PEMT: variants seen among roughly 807,000 people sequenced by gnomAD.
PEMT encodes phospholipid methyltransferase.
A neutral mutation model predicts 27.4 loss-of-function variants in PEMT; 23 were observed. The observed-to-expected ratio is 0.84, with a 90% CI of 0.60 to 1.19. The LOEUF is 1.19. Among genes scored for constraint, PEMT ranks in the 50% most tolerant of loss-of-function variants. The pLI, the probability that PEMT is intolerant of heterozygous loss-of-function variation, is 0.00. For missense variants in PEMT, 307 were observed against 310.1 expected (o/e 0.99, Z 0.07); for synonymous variants, 137 against 139.1 (o/e 0.98, Z 0.11).
chr17:17,516,272 A>G (rs1367952768), intron 3 of PEMT, among the ~76,000 whole-genome samples: 1 of 152,080 alleles, frequency 6.6e-6, no homozygotes, highest in African/African-American at 2.4e-5. Flanking sequence ...TTTCCAAGAC[A>G]TATTAAAATA....
intron 2 of PEMT, among the ~76,000 whole-genome samples, chr17:17,541,719 C>T (rs1474484055): frequency 6.6e-6 from 1 of 152,250 alleles, no homozygotes; most frequent in African/African-American, 2.4e-5. Flanking sequence ...GATGAAGCAA[C>T]CTGCCCAAGA....
chr17:17,588,397 CCCATATTA>C (rs1912432338), intron 1 of PEMT, among the ~76,000 whole-genome samples: 3 of 152,266 alleles, frequency 2.0e-5, no homozygotes, highest in African/African-American at 7.2e-5. Context: ...TACTCGGGTG[CCCATATTA>C]CACACAGGGA....
intron 2 of PEMT, among the ~76,000 whole-genome samples, chr17:17,571,418 G>C (rs1218001052): frequency 6.6e-6 from 1 of 152,130 alleles, no homozygotes; most frequent in South Asian, 2.1e-4. Flanking sequence ...ACAAGGAAGA[G>C]CAGGAGGAGG....
At chr17:17,535,712 C>T (rs899387629) in intron 2 of PEMT, among the ~76,000 whole-genome samples, 3 of 152,000 alleles carry the variant, frequency 2.0e-5, no homozygotes, top group African/African-American at 4.8e-5. Flanking sequence ...GGGGAAGAGG[C>T]GGAGAGGGGG....
In PEMT at chr17:17,506,484, G is replaced by C. The variant is rs78713583; in HGVS notation, c.579-183C>G. ...AGTCTGGCTTTTGTGCCAGGACCAG[G>C]GTCCCCATGTTCTCGGTCCTGATCC... is the stretch of plus-strand genomic sequence containing the variant. On this transcript the variant is annotated intron_variant, in intron 5 of 6. Coordinates refer to ENST00000255389, the MANE Select transcript of PEMT (RefSeq NM_148172.3). Among the ~76,000 whole-genome samples the C allele has an allele frequency of 5.2e-4, 79 of 152,328 alleles. No individual in the cohort carries two copies. In the East Asian group the frequency reaches 0.013, roughly 25 times the overall value.
intron 2 of PEMT, among the ~76,000 whole-genome samples, chr17:17,564,831 G>C (rs543725529): frequency 6.6e-6 from 1 of 152,302 alleles, no homozygotes; most frequent in South Asian, 2.1e-4. Context: ...ACTCAGCCTG[G>C]TAGGGGTGCC....
rs374998488 is a variant in PEMT, at chr17:17,576,967, C to T, written c.157G>A (p.Val53Met). The stretch of plus-strand genomic sequence containing the variant: ...AAGGTGATGGTGATGACGGCAGCCA[C>T]AAAGCTGGGATCCAGGGGGTCCACG... The part of the protein sequence containing the change: ...GYVDPLDPSF[V>M]AAVITITFNP... Residue 53 changes from valine to methionine, a missense_variant, in exon 2 of 7, where the codon GTG becomes ATG. Coordinates refer to ENST00000255389, the MANE Select transcript of PEMT (RefSeq NM_148172.3). The T allele has an allele frequency of 9.9e-6, 16 of 1,613,976 alleles. No homozygotes were observed. In the African/African-American group the frequency reaches 1.9e-4, roughly 19 times the overall value.
At chr17:17,545,822 C>T (rs1393988063) in intron 2 of PEMT, among the ~76,000 whole-genome samples, 2 of 152,224 alleles carry the variant, frequency 1.3e-5, no homozygotes, top group Non-Finnish European at 2.9e-5. Flanking sequence ...GCAGGATGTA[C>T]TGGAATCTAA....
At chr17:17,514,266 C>A (rs1906628541) in intron 3 of PEMT, among the ~76,000 whole-genome samples, 1 of 152,262 alleles carries the variant, frequency 6.6e-6, no homozygotes, top group Non-Finnish European at 1.5e-5. Flanking sequence ...GAACTCCTTC[C>A]TCCAGCTTGA....
At chr17:17,540,923 G>C in intron 2 of PEMT, among the ~76,000 whole-genome samples, 1 of 152,198 alleles carries the variant, frequency 6.6e-6, no homozygotes, top group East Asian at 1.9e-4. Flanking sequence ...TGGGCAGGGA[G>C]TGTCTCCACT....
chr17:17,582,491 G>T lies in PEMT; in HGVS notation c.97-5464C>A. ...TGACACATGGACAAACAGCAGGCCTGGACAGGCAAAGTCACATCGATTCCA... is the reference window on the plus strand; with the variant it reads ...TGACACATGGACAAACAGCAGGCCTTGACAGGCAAAGTCACATCGATTCCA... On this transcript the variant is annotated intron_variant, in intron 1 of 6. Coordinates refer to ENST00000255389, the MANE Select transcript of PEMT (RefSeq NM_148172.3). The surrounding 1 kb of genome is among the most constrained non-coding windows in gnomAD (Gnocchi z 4.9). 1 of 928,846 alleles carries T rather than the reference G, an allele frequency of 1.1e-6. No individual in the cohort carries two copies. Among genetic ancestry groups the T allele is most frequent in the South Asian group, 4.9e-5 (1 of 20,218 alleles). The allele number at this position is 928,846 out of a possible 1,614,324, so 57.5% of individuals were successfully genotyped here. A position where few individuals can be genotyped will look rare whatever the true frequency, so the allele number is the denominator to read the frequency against.
chr17:17,580,331 G>T (rs1008225597), intron 1 of PEMT, among the ~76,000 whole-genome samples: 1 of 152,090 alleles, frequency 6.6e-6, no homozygotes, highest in African/African-American at 2.4e-5. Flanking sequence ...ACAAAAATTA[G>T]CCAGGCATGG....
chr17:17,523,324 A>C lies in PEMT; in HGVS notation c.205-929T>G, dbSNP rs1368306843. On this transcript the variant is annotated intron_variant, in intron 2 of 6. Transcript: ENST00000255389. This position sits in a 1 kb window ranked among gnomAD's most constrained non-coding sequence, Gnocchi z 4.8. Reference sequence around the variant, plus strand: ...TACCTCCACCCCAGCCCCAGCGATGACTGCTGCCTGCTCCACTTCCCAAGT... The same window carrying C: ...TACCTCCACCCCAGCCCCAGCGATGCCTGCTGCCTGCTCCACTTCCCAAGT... Among the ~76,000 whole-genome samples, 1 of 152,128 alleles carries C rather than the reference A, an allele frequency of 6.6e-6. No homozygotes were observed. The highest frequency in any genetic ancestry group is 1.5e-5 in the Non-Finnish European group (1 of 68,022).
chr17:17,506,270 C>T lies in PEMT; in HGVS notation c.610G>A (p.Val204Met). 2 of 1,586,190 alleles carry T rather than the reference C, an allele frequency of 1.3e-6. No individual in the cohort carries two copies. Among genetic ancestry groups the T allele is most frequent in the South Asian group, 1.1e-5 (1 of 87,028 alleles). The change falls in exon 6 of 7, where the codon GTG (valine) becomes ATG (methionine). Residue 204 changes from valine to methionine, a missense_variant. By Grantham distance (21) the Val-to-Met change is conservative (BLOSUM62 1). Coordinates refer to ENST00000255389, the MANE Select transcript of PEMT (RefSeq NM_148172.3). Reference protein sequence around the residue: ...HASPTGLLLTVLVALTYIVAL... With the variant: ...HASPTGLLLTMLVALTYIVAL... ...ACTATGTAGGTGAGGGCCACCAGCACCGTCAGGAGCAGGCCCGTGGGGCTG... is the reference window on the plus strand; with the variant it reads ...ACTATGTAGGTGAGGGCCACCAGCATCGTCAGGAGCAGGCCCGTGGGGCTG...
Position 17,506,082 on chromosome 17 carries a change from T to G in PEMT, c.653+145A>C, listed in dbSNP as rs911837371. 3 of 970,208 alleles carry G rather than the reference T, an allele frequency of 3.1e-6. No individual in the cohort carries two copies. The African/African-American group carries it at 4.9e-5, about 16-fold the overall frequency. The allele number at this position is 970,208 out of a possible 1,614,324, so 60.1% of individuals were successfully genotyped here. On this transcript the variant is annotated intron_variant, in intron 6 of 6. Transcript: ENST00000255389. ...CTGCAGGCCGCATTGTAAGCTACCA[T>G]GGCCGCTCTGACCTGGGAGCCCTGG...
At chr17:17,587,157 T>C (rs1392460433) in intron 1 of PEMT, among the ~76,000 whole-genome samples, 2 of 151,466 alleles carry the variant, frequency 1.3e-5, no homozygotes. Flanking sequence ...TTGGGGAAAA[T>C]TTATTTTCCC....
chr17:17,564,427 TG>T (rs943404291), intron 2 of PEMT, among the ~76,000 whole-genome samples: 4 of 152,110 alleles, frequency 2.6e-5, no homozygotes, highest in Non-Finnish European at 2.9e-5. Flanking sequence ...GAAAGGACCT[TG>T]GGAGATAATT....
At chr17:17,524,675 T>TA (rs758110137) in intron 2 of PEMT, among the ~76,000 whole-genome samples, 1 of 151,594 alleles carries the variant, frequency 6.6e-6, no homozygotes, top group Non-Finnish European at 1.5e-5. Flanking sequence ...GAGGATGCAG[T>TA]AAGCCAAGAT....
In PEMT at chr17:17,577,041, GCTAGCAT is replaced by G. The variant is rs770279621; in HGVS notation, c.97-21_97-15del. On this transcript the variant is annotated splice_polypyrimidine_tract_variant and intron_variant, in intron 1 of 6. Transcript: ENST00000255389. ...GCAGAAGTCTGCCTGCAGGGACAGA[GCTAGCAT>G]CAGCACCACCCAGACACAGCAGGGC... 3.8e-6 allele frequency: 6 copies of G among 1,592,304 alleles called. 1 individual carries two copies. In the South Asian group the frequency reaches 4.4e-5, roughly 12 times the overall value.
Sources: allele counts gnomAD v4.1 joint callset (sites outside exome capture counted in the v4.1 genomes callset), GRCh38; gene constraint gnomAD v4.1.1; non-coding constraint Gnocchi (gnomAD v3.1); transcripts MANE v1.5; gene names NCBI Gene and HGNC (gene_info 2026-07-23, HGNC 2026-07-21).